The following PPP2R2C variants were observed in gnomAD, a reference collection of about 807,000 sequenced individuals.
PPP2R2C encodes the protein protein phosphatase 2 regulatory subunit Bgamma.
In PPP2R2C, 10 loss-of-function variants were observed where a neutral mutation model predicts 45.3. That is an observed-to-expected ratio of 0.22 (90% confidence interval 0.14 to 0.37). The LOEUF (loss-of-function observed/expected upper bound fraction) is 0.37. PPP2R2C is among the 10% of genes least tolerant of loss of function. The probability of loss-of-function intolerance (pLI) is 1.00; values close to 1 mark genes in which losing one functional copy is unlikely to be tolerated. For missense variants in PPP2R2C, 308 were observed against 619.7 expected (o/e 0.50, Z 5.34); for synonymous variants, 257 against 245.4 (o/e 1.05, Z -0.44).
intron 1 of PPP2R2C, among the ~76,000 whole-genome samples, chr4:6,548,395 C>T (rs570546069): frequency 1.2e-3 from 188 of 152,274 alleles, no homozygotes; most frequent in South Asian, 0.011. Flanking sequence ...AGCCACCAGC[C>T]GGCACATCCC....
At position 6,456,005 on chromosome 4, in the gene PPP2R2C, G is replaced by A. The variant is rs112917930; in HGVS notation, c.70+16155C>T. Among the ~76,000 whole-genome samples the A allele has an allele frequency of 2.6e-3, 400 of 152,150 alleles. 1 individual carries two copies. The highest frequency in any genetic ancestry group is 8.8e-3 in the African/African-American group (364 of 41,476). ...AGAAATCCTGGGGGGGGGGAGCTGC[G>A]CCCTATTCCTTCTTCCTGAATCCCC... On this transcript the variant is annotated intron_variant, in intron 1 of 8. Coordinates refer to ENST00000382599, the MANE Select transcript of PPP2R2C (RefSeq NM_020416.4).
intron 1 of PPP2R2C, among the ~76,000 whole-genome samples, chr4:6,451,646 TAATG>T (rs1720738551): frequency 6.6e-6 from 1 of 152,084 alleles, no homozygotes; most frequent in African/African-American, 2.4e-5. Flanking sequence ...AGACAAAGCA[TAATG>T]AATGCTCAGC....
intron 2 of PPP2R2C, among the ~76,000 whole-genome samples, chr4:6,509,177 A>G (rs1723343087): frequency 6.6e-6 from 1 of 152,238 alleles, no homozygotes; most frequent in Admixed American, 6.5e-5. Flanking sequence ...CTCAGACAGC[A>G]AACTGTACAT....
chr4:6,512,148 A>G (rs866067800), intron 2 of PPP2R2C, among the ~76,000 whole-genome samples: 366 of 6,308 alleles, frequency 0.058, no homozygotes, highest in Admixed American at 0.077. Context: ...TTATGGTGGT[A>G]GTGGTGATGG....
intron 1 of PPP2R2C, chr4:6,383,445 T>G (rs1716002750): frequency 7.8e-7 from 1 of 1,288,218 alleles, no homozygotes; most frequent in South Asian, 1.2e-5. Flanking sequence ...ACCTGCTTAT[T>G]CCCCTCCAAA....
chr4:6,407,481 G>A (rs1297203359), intron 1 of PPP2R2C, among the ~76,000 whole-genome samples: 1 of 152,130 alleles, frequency 6.6e-6, no homozygotes. Flanking sequence ...CTGCAACCTC[G>A]CCTGCTGGGT....
intron 1 of PPP2R2C, among the ~76,000 whole-genome samples, chr4:6,404,163 C>T (rs900467555): frequency 1.3e-5 from 2 of 152,162 alleles, no homozygotes; most frequent in East Asian, 3.9e-4. Context: ...GGCTGGGGTG[C>T]TGGGCACTGC....
chr4:6,511,538 T>C lies in PPP2R2C; in HGVS notation c.49+23733A>G, dbSNP rs1020921778. Among the ~76,000 whole-genome samples, 115 of 27,000 alleles carry C rather than the reference T, an allele frequency of 4.3e-3. 7 individuals carry two copies. The highest frequency in any genetic ancestry group is 8.5e-3 in the Non-Finnish European group (70 of 8,194). 17.7% of individuals were successfully genotyped at this position (27,000 alleles called of 152,430 possible). On this transcript the variant is annotated intron_variant, in intron 2 of 9. Coordinates refer to the PPP2R2C transcript ENST00000506140. ...GTGGTGGTGGTGATGGTGGTGGTGG[T>C]GGTGGTGATGGTGGTGGTGGTGGTG...
At chr4:6,381,678 G>A (rs1252181770) in intron 1 of PPP2R2C, 12 of 1,518,222 alleles carry the variant, frequency 7.9e-6, no homozygotes, top group Middle Eastern at 3.7e-4. Context: ...TCGCAGAAGC[G>A]AAGCTCAGCC....
intron 2 of PPP2R2C, among the ~76,000 whole-genome samples, chr4:6,490,114 C>G (rs1722650926): frequency 6.6e-6 from 1 of 152,208 alleles, no homozygotes; most frequent in African/African-American, 2.4e-5. Flanking sequence ...GTCCCTCCCA[C>G]CAGCTGGTTC....
At chr4:6,464,227 A>C (rs1461740274) in intron 1 of PPP2R2C, among the ~76,000 whole-genome samples, 1 of 152,244 alleles carries the variant, frequency 6.6e-6, no homozygotes, top group East Asian at 1.9e-4. Context: ...AATCATAATA[A>C]TGGCTATTGT....
At chr4:6,371,336 C>G (rs1714811364) in intron 5 of PPP2R2C, among the ~76,000 whole-genome samples, 2 of 152,222 alleles carry the variant, frequency 1.3e-5, no homozygotes, top group Non-Finnish European at 2.9e-5. Flanking sequence ...GTGCCTGGAT[C>G]TCAGACCACA....
At chr4:6,503,438 T>C in intron 2 of PPP2R2C, among the ~76,000 whole-genome samples, 1 of 152,202 alleles carries the variant, frequency 6.6e-6, no homozygotes, top group Admixed American at 6.5e-5. Flanking sequence ...TTCTTGGCCT[T>C]CTTTTTCTCC....
intron 5 of PPP2R2C, among the ~76,000 whole-genome samples, chr4:6,367,014 T>C (rs974754322): frequency 6.7e-6 from 1 of 150,138 alleles, no homozygotes; most frequent in South Asian, 2.1e-4. Flanking sequence ...CTGGGGAGAG[T>C]AGAGAGGGCT....
intron 1 of PPP2R2C, among the ~76,000 whole-genome samples, chr4:6,464,542 G>A (rs1043339464): frequency 7.2e-5 from 11 of 152,278 alleles, no homozygotes; most frequent in Middle Eastern, 3.4e-3. Flanking sequence ...GCCAATACCC[G>A]CTGAACAAAA....
intron 1 of PPP2R2C, among the ~76,000 whole-genome samples, chr4:6,535,563 G>A (rs1724579631): frequency 6.6e-6 from 1 of 152,192 alleles, no homozygotes; most frequent in Admixed American, 6.5e-5. Context: ...GGAGCCGCCT[G>A]AGCCTCAGCT....
chr4:6,548,601 T>C (rs1725074223), intron 1 of PPP2R2C, among the ~76,000 whole-genome samples: 1 of 152,184 alleles, frequency 6.6e-6, no homozygotes, highest in Non-Finnish European at 1.5e-5. Flanking sequence ...TGTGGGCAGG[T>C]AGAGCTTCCC....
intron 5 of PPP2R2C, among the ~76,000 whole-genome samples, chr4:6,361,910 G>T (rs757367091): frequency 6.6e-6 from 1 of 152,246 alleles, no homozygotes; most frequent in Non-Finnish European, 1.5e-5. Context: ...AGGTGCTCAT[G>T]TCAGAGATTT....
chr4:6,505,812 A>T (rs1207230391), intron 2 of PPP2R2C, among the ~76,000 whole-genome samples: 1 of 152,086 alleles, frequency 6.6e-6, no homozygotes, highest in African/African-American at 2.4e-5. Context: ...CTAAAAATAC[A>T]AAAATTAGCT....
Sources: gnomAD v4.1 joint callset for allele counts (sites outside exome capture counted in the v4.1 genomes callset) on GRCh38, gnomAD v4.1.1 for gene constraint, MANE v1.5 for transcripts, NCBI Gene and HGNC (gene_info 2026-07-23, HGNC 2026-07-21) for gene names.